Variants in PRIMPOL observed in about 807,000 individuals in gnomAD.
PRIMPOL encodes the protein primase and DNA directed polymerase, also known as DNA-directed primase/polymerase protein.
In PRIMPOL, 54 loss-of-function variants were observed where a neutral mutation model predicts 63.6. The ratio of observed to expected loss-of-function variants is 0.85; its 90% CI spans 0.68 to 1.07. The LOEUF (loss-of-function observed/expected upper bound fraction) is 1.07. Among genes scored for constraint, PRIMPOL ranks in the 50% least tolerant of loss-of-function variants. PRIMPOL has a pLI of 0.00. For missense variants in PRIMPOL, 610 were observed against 648.3 expected, an observed-to-expected ratio of 0.94 and a Z score of 0.64; for synonymous variants, 197 against 220.2, an observed-to-expected ratio of 0.89 and a Z score of 0.93.
intron 4 of PRIMPOL, among the ~76,000 whole-genome samples, chr4:184,660,766 G>A (rs1748108414): frequency 6.6e-6 from 1 of 152,134 alleles, no homozygotes; most frequent in South Asian, 2.1e-4. Flanking sequence ...TGTGTGTTGA[G>A]TTCCTCCACT....
chr4:184,691,468 T>C, intron 11 of PRIMPOL, 31 bp from the exon 12 acceptor site: 1 of 1,323,310 alleles, frequency 7.6e-7, no homozygotes, highest in Non-Finnish European at 1.0e-6. Context: ...GTCTTGGTAT[T>C]AATACTTTTT....
At chr4:184,651,147 C>T (rs139555328) in intron 1 of PRIMPOL, among the ~76,000 whole-genome samples, 3,918 of 151,936 alleles carry the variant, frequency 0.026, 181 homozygotes, top group African/African-American at 0.09. Context: ...AAAAATTAGC[C>T]GGGTGCAGTG....
intron 2 of PRIMPOL, among the ~76,000 whole-genome samples, chr4:184,653,233 G>A (rs1745239793): frequency 6.6e-6 from 1 of 152,146 alleles, no homozygotes. Context: ...CCCTCCTTCA[G>A]CTGCTCCTGG....
intron 7 of PRIMPOL, among the ~76,000 whole-genome samples, chr4:184,674,906 C>A (rs1208650846): frequency 1.3e-5 from 2 of 152,210 alleles, no homozygotes; most frequent in African/African-American, 2.4e-5. Context: ...AGCAATTCAG[C>A]CTTTTCCTGT....
At chr4:184,668,312 G>A (rs1001209843) in intron 6 of PRIMPOL, among the ~76,000 whole-genome samples, 26 of 152,224 alleles carry the variant, frequency 1.7e-4, no homozygotes, top group African/African-American at 6.3e-4. Context: ...AAGTAGACAC[G>A]TTGGTATCAT....
Position 184,649,831 on chromosome 4 carries a change from C to T in PRIMPOL, c.-215C>T, listed in dbSNP as rs1257794708. The T allele has an allele frequency of 2.6e-5, 4 of 152,308 alleles. No homozygotes were observed. The highest frequency in any genetic ancestry group is 7.2e-5 in the African/African-American group (3 of 41,466). The allele number at this position is 152,308 out of a possible 1,614,324, so 9.4% of individuals were successfully genotyped here. On this transcript the variant is annotated 5_prime_UTR_variant, in exon 1 of 14. Transcript: ENST00000314970. ...GAAACCGCGCCAGGCCCAACGGGTA[C>T]CTAGAAGGGAGACAAAGCCAGGCCT...
chr4:184,672,161 T>C lies in PRIMPOL; in HGVS notation c.557-12T>C. The stretch of plus-strand genomic sequence containing the variant: ...GAAGATCCAGGTGAATGATAATAGC[T>C]TTTTTCCTTAGGTAATTTTTTGAGA... On this transcript the variant is annotated splice_polypyrimidine_tract_variant and intron_variant, in intron 6 of 13. Transcript: ENST00000314970. The C allele has an allele frequency of 1.9e-6, 3 of 1,602,494 alleles. No individual in the cohort carries two copies. Among genetic ancestry groups the C allele is most frequent in the Non-Finnish European group, 2.6e-6 (3 of 1,175,156 alleles).
chr4:184,693,212 T>G (rs892755040), intron 13 of PRIMPOL, among the ~76,000 whole-genome samples: 1 of 152,218 alleles, frequency 6.6e-6, no homozygotes, highest in African/African-American at 2.4e-5. Context: ...ATAGCCAGAT[T>G]CTCTGGCAAA....
chr4:184,693,888 C>T (rs1759752707), intron 13 of PRIMPOL, among the ~76,000 whole-genome samples: 1 of 152,144 alleles, frequency 6.6e-6, no homozygotes, highest in African/African-American at 2.4e-5. Context: ...GGGCTGGTCT[C>T]AAACTCCTGG....
At chr4:184,689,676 G>A (rs1307933842) in intron 11 of PRIMPOL, among the ~76,000 whole-genome samples, 2 of 151,590 alleles carry the variant, frequency 1.3e-5, no homozygotes, top group Non-Finnish European at 2.9e-5. Flanking sequence ...GGCTGGTCTC[G>A]AACTCCTGAC....
At chr4:184,688,357 G>C (rs770927551) in intron 11 of PRIMPOL, among the ~76,000 whole-genome samples, 6 of 152,300 alleles carry the variant, frequency 3.9e-5, no homozygotes, top group Admixed American at 1.3e-4. Flanking sequence ...AATTGGTTTT[G>C]CTCATCTGGC....
intron 9 of PRIMPOL, 114 bp from the exon 10 acceptor site, chr4:184,685,291 AGAGT>A (rs1157222877): frequency 2.9e-6 from 2 of 699,940 alleles, no homozygotes; most frequent in Non-Finnish European, 5.0e-6. Context: ...GAAATTGCAA[AGAGT>A]GAGGGAAGGC....
intron 11 of PRIMPOL, among the ~76,000 whole-genome samples, chr4:184,688,906 G>A (rs1757702443): frequency 6.6e-6 from 1 of 151,744 alleles, no homozygotes. Flanking sequence ...CCGAGCTCTG[G>A]TAATGAATTT....
intron 1 of PRIMPOL, among the ~76,000 whole-genome samples, chr4:184,651,695 C>T (rs988791430): frequency 3.3e-5 from 5 of 152,170 alleles, no homozygotes; most frequent in African/African-American, 7.2e-5. Flanking sequence ...GTTGCCCAGG[C>T]TGGAGTGCAG....
chr4:184,667,467 T>TGC (rs1750326878), intron 6 of PRIMPOL, among the ~76,000 whole-genome samples: 1 of 152,090 alleles, frequency 6.6e-6, no homozygotes, highest in Non-Finnish European at 1.5e-5. Flanking sequence ...TGTGCCACCA[T>TGC]GCCCGGCTAA....
At chr4:184,683,784 T>C (rs1158717111) in intron 9 of PRIMPOL, among the ~76,000 whole-genome samples, 5 of 152,220 alleles carry the variant, frequency 3.3e-5, no homozygotes, top group Non-Finnish European at 5.9e-5. Context: ...TATTTTCATA[T>C]ATTGTTATTT....
chr4:184,684,846 T>C (rs1217642894), intron 9 of PRIMPOL, among the ~76,000 whole-genome samples: 1 of 152,164 alleles, frequency 6.6e-6, no homozygotes, highest in African/African-American at 2.4e-5. Flanking sequence ...CACTGTACTT[T>C]GTTAAAAAAA....
intron 11 of PRIMPOL, among the ~76,000 whole-genome samples, chr4:184,690,926 AGTTTT>A (rs1488431358): frequency 1.3e-5 from 2 of 152,116 alleles, no homozygotes; most frequent in African/African-American, 2.4e-5. Flanking sequence ...GATTTCTATT[AGTTTT>A]ATTTCTAAAA....
chr4:184,684,271 T>G (rs1030581630), intron 9 of PRIMPOL, among the ~76,000 whole-genome samples: 1 of 151,974 alleles, frequency 6.6e-6, no homozygotes, highest in Admixed American at 6.6e-5. Flanking sequence ...GCCTGACCAA[T>G]GCAGTGAAAC....
Sources: allele counts gnomAD v4.1 joint callset (sites outside exome capture counted in the v4.1 genomes callset), GRCh38; gene constraint gnomAD v4.1.1; transcripts MANE v1.5; gene names NCBI Gene and HGNC (gene_info 2026-07-23, HGNC 2026-07-21).